Variants in WDR70 observed in about 807,000 individuals in gnomAD.
The protein encoded by WDR70 is WD repeat-containing protein 70.
WDR70 carries 53 observed loss-of-function variants against 88.6 expected under a neutral mutation model. That is an observed-to-expected ratio of 0.60 (90% CI 0.48 to 0.75). The LOEUF (loss-of-function observed/expected upper bound fraction) is 0.75. Ranked by LOEUF, WDR70 falls within the 30% of genes least tolerant of loss-of-function variation. WDR70 has a pLI of 0.00. For missense variants in WDR70, 610 were observed against 823.2 expected (o/e 0.74, Z 3.17); for synonymous variants, 280 against 270.0 (o/e 1.04, Z -0.36).
At chr5:37,587,342 CT>C (rs150764423) in intron 9 of WDR70, among the ~76,000 whole-genome samples, 6,891 of 151,762 alleles carry the variant, frequency 0.045, 181 homozygotes, top group Middle Eastern at 0.11. Context: ...AAGCAAACTA[CT>C]TTTTTTTCCC....
At chr5:37,456,647 T>A (rs1738849851) in intron 7 of WDR70, among the ~76,000 whole-genome samples, 1 of 152,116 alleles carries the variant, frequency 6.6e-6, no homozygotes, top group African/African-American at 2.4e-5. Context: ...TATATGGGGG[T>A]ATTGGAGAAC....
At chr5:37,401,270 A>G (rs1430656171) in intron 5 of WDR70, among the ~76,000 whole-genome samples, 1 of 143,784 alleles carries the variant, frequency 7.0e-6, no homozygotes, top group African/African-American at 2.5e-5. Flanking sequence ...TTGGCCTCCC[A>G]AAGTGCTGGG....
intron 8 of WDR70, among the ~76,000 whole-genome samples, chr5:37,510,643 AC>A (rs1740697086): frequency 6.6e-6 from 1 of 152,182 alleles, no homozygotes; most frequent in Admixed American, 6.5e-5. Flanking sequence ...TATCTAAATC[AC>A]ATTTCACATT....
At chr5:37,709,635 A>G (rs937046459) in intron 13 of WDR70, among the ~76,000 whole-genome samples, 2 of 152,202 alleles carry the variant, frequency 1.3e-5, no homozygotes, top group Admixed American at 6.5e-5. Context: ...CTCTGCCCCT[A>G]TCTTTTTTCC....
At chr5:37,644,597 C>T (rs1033680877) in intron 10 of WDR70, among the ~76,000 whole-genome samples, 2 of 152,006 alleles carry the variant, frequency 1.3e-5, no homozygotes, top group African/African-American at 4.8e-5. Flanking sequence ...AGCAGTGAAG[C>T]CAGCAGGTCC....
chr5:37,616,481 G>C (rs1334377922), intron 10 of WDR70, among the ~76,000 whole-genome samples: 1 of 151,964 alleles, frequency 6.6e-6, no homozygotes, highest in Non-Finnish European at 1.5e-5. Context: ...TTACTGCCTT[G>C]GTGCCTTTTC....
chr5:37,651,259 A>G (rs2112560519), intron 10 of WDR70, among the ~76,000 whole-genome samples: 1 of 152,256 alleles, frequency 6.6e-6, no homozygotes, highest in African/African-American at 2.4e-5. Context: ...GATGGTTTCC[A>G]GCTTCATCCA....
chr5:37,389,089 CTTTT>C (rs869256981), intron 3 of WDR70, among the ~76,000 whole-genome samples: 1 of 124,956 alleles, frequency 8.0e-6, no homozygotes. Flanking sequence ...CAGGCCCATT[CTTTT>C]TTTTTTTTTT....
intron 9 of WDR70, among the ~76,000 whole-genome samples, chr5:37,588,284 A>G (rs182112528): frequency 6.6e-6 from 1 of 152,346 alleles, no homozygotes; most frequent in Admixed American, 6.5e-5. Flanking sequence ...GAAGTTCTCT[A>G]TAGATTATTT....
At chr5:37,736,613 GT>G (rs10718548) in intron 17 of WDR70, among the ~76,000 whole-genome samples, 128,805 of 134,602 alleles carry the variant, frequency 0.96, 61,567 homozygotes, top group South Asian at 0.99. Context: ...GGTGTATGTA[GT>G]TTTTTTTTTT....
At chr5:37,452,267 A>ATTTT (rs35672808) in intron 7 of WDR70, among the ~76,000 whole-genome samples, 1 of 141,728 alleles carries the variant, frequency 7.1e-6, no homozygotes, top group Non-Finnish European at 1.5e-5. Flanking sequence ...TTTGAGACTG[A>ATTTT]TTTTTTTTTT....
intron 10 of WDR70, among the ~76,000 whole-genome samples, chr5:37,627,103 T>C (rs915598481): frequency 6.6e-6 from 1 of 152,166 alleles, no homozygotes; most frequent in African/African-American, 2.4e-5. Context: ...TTTTTTAGTC[T>C]TTTTCTTTAG....
At chr5:37,665,486 A>G (rs1745812904) in intron 10 of WDR70, among the ~76,000 whole-genome samples, 1 of 152,214 alleles carries the variant, frequency 6.6e-6, no homozygotes, top group African/African-American at 2.4e-5. Flanking sequence ...GCGCAGAAAC[A>G]GATAAGTTGT....
chr5:37,481,330 GC>G lies in WDR70; in HGVS notation c.840+1351del, dbSNP rs112035755. ...GCCCTACCAGAGGTTATCCATGAGG[GC>G]CCCCCCCGCTCCCTGCAGCAAACTT... On this transcript the variant is annotated intron_variant, in intron 8 of 17. Transcript: ENST00000265107. Among the ~76,000 whole-genome samples the G allele has an allele frequency of 2.6e-5, 4 of 151,378 alleles. No homozygotes were observed. The South Asian group carries it at 6.3e-4, about 24-fold the overall frequency.
intron 7 of WDR70, among the ~76,000 whole-genome samples, chr5:37,462,492 C>T (rs1581303776): frequency 3.3e-5 from 5 of 152,100 alleles, no homozygotes; most frequent in African/African-American, 7.2e-5. Flanking sequence ...TCAGTAGAGA[C>T]GGGGTTTCAC....
intron 7 of WDR70, among the ~76,000 whole-genome samples, chr5:37,475,103 A>G (rs1274565835): frequency 6.6e-6 from 1 of 151,020 alleles, no homozygotes; most frequent in Non-Finnish European, 1.5e-5. Flanking sequence ...TATTTTTAGT[A>G]GAGATGGGGT....
chr5:37,503,752 T>TG (rs35716350), intron 8 of WDR70, among the ~76,000 whole-genome samples: 1 of 150,804 alleles, frequency 6.6e-6, no homozygotes, highest in Non-Finnish European at 1.5e-5. Context: ...CTGAGTTTTG[T>TG]TTTTTTTTTC....
intron 10 of WDR70, among the ~76,000 whole-genome samples, chr5:37,672,561 C>T (rs746006753): frequency 1.6e-4 from 24 of 152,134 alleles, no homozygotes; most frequent in Non-Finnish European, 3.5e-4. Context: ...TAAATCTGGC[C>T]TATGTGCACA....
intron 10 of WDR70, among the ~76,000 whole-genome samples, chr5:37,680,863 A>G (rs1746410264): frequency 6.6e-6 from 1 of 152,146 alleles, no homozygotes; most frequent in Non-Finnish European, 1.5e-5. Flanking sequence ...TTTGCTTAGG[A>G]TTGCCTTGGC....
Sources: allele counts gnomAD v4.1 joint callset (sites outside exome capture counted in the v4.1 genomes callset), GRCh38; gene constraint gnomAD v4.1.1; transcripts MANE v1.5; gene names NCBI Gene and HGNC (gene_info 2026-07-23, HGNC 2026-07-21).